GINS4: variants seen among roughly 807,000 people sequenced by gnomAD.
GINS4 encodes GINS complex subunit 4, also known as DNA replication complex GINS protein SLD5.
Under a neutral mutation model 31.1 loss-of-function variants are expected in GINS4, and 20 were observed. The ratio of observed to expected loss-of-function variants is 0.64; its 90% CI spans 0.45 to 0.93. The LOEUF (loss-of-function observed/expected upper bound fraction) is 0.93. GINS4 is among the 40% of genes least tolerant of loss of function. The pLI is 0.00. For missense variants in GINS4, 245 were observed against 273.9 expected (o/e 0.89, Z 0.75); for synonymous variants, 85 against 97.9 (o/e 0.87, Z 0.78).
chr8:41,532,463 G>T (rs1441518749), intron 2 of GINS4, among the ~76,000 whole-genome samples: 1 of 152,170 alleles, frequency 6.6e-6, no homozygotes, highest in East Asian at 1.9e-4. Context: ...AGCCCAAGTG[G>T]GAGGTTCATT....
rs1054595162 is a variant in GINS4 at position 41,536,383 on chromosome 8, C to T, written c.120C>T (p.Ala40=). ...AGGCCTGGATGAATGAAAAGTTTGC[C>T]CCTGAGCTGCTGGAGAGCAAGCCTG... ...LEQAWMNEKF[A]PELLESKPEI... Residue 40 remains alanine, a synonymous_variant, in exon 3 of 8, where the codon GCC becomes GCT. Transcript: ENST00000276533. 2 of 1,611,062 alleles carry T rather than the reference C, an allele frequency of 1.2e-6. No individual in the cohort carries two copies. Among genetic ancestry groups the T allele is most frequent in the Admixed American group, 3.3e-5 (2 of 59,996 alleles).
At position 41,542,048 on chromosome 8, in the gene GINS4, T is replaced by C; in HGVS notation, c.633T>C (p.Ile211=). The change falls in exon 8 of 8, where the codon ATT becomes ATC. Residue 211 remains isoleucine, a synonymous_variant. Transcript: ENST00000276533. ...AGCACTTGATCCGATACAAAACCAT[T>C]GCACCTCTGGTTGCATCTGGAGCTG... ...GSQHLIRYKT[I]APLVASGAVQ... The C allele has an allele frequency of 6.2e-7, 1 of 1,614,128 alleles. No homozygotes were observed. Among genetic ancestry groups the C allele is most frequent in the Non-Finnish European group, 8.5e-7 (1 of 1,179,986 alleles).
intron 2 of GINS4, among the ~76,000 whole-genome samples, chr8:41,535,065 C>T (rs1190446752): frequency 2.6e-5 from 4 of 151,122 alleles, no homozygotes; most frequent in Non-Finnish European, 4.4e-5. Context: ...TGGCTGGGCT[C>T]GGTGGCTCAC....
intron 2 of GINS4, among the ~76,000 whole-genome samples, chr8:41,532,375 G>A (rs750417419): frequency 1.3e-5 from 2 of 152,090 alleles, no homozygotes; most frequent in South Asian, 2.1e-4. Context: ...ACTGAAAAAC[G>A]TGAGCAATAT....
At chr8:41,537,112 C>T in intron 3 of GINS4, 68 bp from the exon 4 acceptor site, 8 of 932,342 alleles carry the variant, frequency 8.6e-6, no homozygotes, top group South Asian at 5.6e-5. Flanking sequence ...TAGTCTGGGT[C>T]CTCAACGTTG....
rs978849854 is a variant in GINS4 at position 41,544,603 on chromosome 8, A to G, written c.*2516A>G. ...TTAGTACTTGATTTATGCTTGTTAT[A>G]TAAAGAAAGAGACAACTTCACTGTA... is the stretch of plus-strand genomic sequence containing the variant. On this transcript the variant is annotated 3_prime_UTR_variant, in exon 8 of 8. Coordinates refer to ENST00000276533, the MANE Select transcript of GINS4 (RefSeq NM_032336.3). The G allele has an allele frequency of 6.6e-6, 1 of 152,226 alleles. No homozygotes were observed. The highest frequency in any genetic ancestry group is 1.5e-5 in the Non-Finnish European group (1 of 68,036). 9.4% of individuals were successfully genotyped at this position (152,226 alleles called of 1,614,324 possible).
At chr8:41,534,317 G>C (rs1806703890) in intron 2 of GINS4, 1 of 380,384 alleles carries the variant, frequency 2.6e-6, no homozygotes, top group African/African-American at 2.1e-5. Flanking sequence ...TGAGGCAGGA[G>C]GATCACTTAA....
intron 4 of GINS4, 82 bp from the exon 5 acceptor site, chr8:41,539,596 T>C (rs1806800192): frequency 1.0e-6 from 1 of 985,686 alleles, no homozygotes; most frequent in East Asian, 2.4e-5. Flanking sequence ...GGGAGGGTTG[T>C]GTAAACCCTC....
chr8:41,541,388 A>G (rs1806838633), intron 6 of GINS4, among the ~76,000 whole-genome samples: 1 of 152,066 alleles, frequency 6.6e-6, no homozygotes, highest in African/African-American at 2.4e-5. Flanking sequence ...CTCTTCTTAT[A>G]AGACACCAGT....
At position 41,542,794 on chromosome 8, in the gene GINS4, G is replaced by A. The variant is rs7817629; in HGVS notation, c.*707G>A. 0.21 allele frequency: 31,782 copies of A among 152,540 alleles called. 3,407 individuals are homozygous for A. Among genetic ancestry groups the A allele is most frequent in the Middle Eastern group, 0.29 (84 of 294 alleles). The allele number at this position is 152,540 out of a possible 1,614,324, so 9.4% of individuals were successfully genotyped here. A position where few individuals can be genotyped will look rare whatever the true frequency, so the allele number is the denominator to read the frequency against. On this transcript the variant is annotated 3_prime_UTR_variant, in exon 8 of 8. Transcript: ENST00000276533. ...ATTCCTCAGCAGTGCTGTGGGTCAC[G>A]GGCGTGAAGCGGAGCTCGAGGCAGG... is the stretch of plus-strand genomic sequence containing the variant.
At chr8:41,536,322 G>A in intron 2 of GINS4, 38 bp from the exon 3 acceptor site, 1 of 1,270,972 alleles carries the variant, frequency 7.9e-7, no homozygotes, top group East Asian at 2.3e-5. Flanking sequence ...TAGCTCTGTG[G>A]TGGGTGATGC....
chr8:41,540,578 G>C (rs1415113092), intron 6 of GINS4, among the ~76,000 whole-genome samples: 1 of 152,198 alleles, frequency 6.6e-6, no homozygotes. Flanking sequence ...CAGCCCCTGA[G>C]GGCTGCCGAG....
chr8:41,538,708 G>GT (rs1176942266), intron 4 of GINS4, among the ~76,000 whole-genome samples: 1 of 151,560 alleles, frequency 6.6e-6, no homozygotes, highest in Non-Finnish European at 1.5e-5. Flanking sequence ...GTTTGGTTGT[G>GT]TTTTTTTGTT....
At chr8:41,532,852 TGAA>T (rs1463067729) in intron 2 of GINS4, among the ~76,000 whole-genome samples, 23 of 138,906 alleles carry the variant, frequency 1.7e-4, no homozygotes, top group South Asian at 9.0e-4. Flanking sequence ...AAAAAAAAAA[TGAA>T]GAGCAATTTG....
At chr8:41,533,854 G>A (rs1401652518) in intron 2 of GINS4, among the ~76,000 whole-genome samples, 3 of 152,174 alleles carry the variant, frequency 2.0e-5, no homozygotes, top group Non-Finnish European at 4.4e-5. Flanking sequence ...TCTTGGGTTT[G>A]TAGGTGACCA....
Position 41,544,070 on chromosome 8 carries a change from G to GTT in GINS4, c.*1983_*1984insTT, listed in dbSNP as rs1301071970. 6.6e-6 allele frequency: 1 copy of GTT among 152,254 alleles called. No homozygotes were observed. The highest frequency in any genetic ancestry group is 2.4e-5 in the African/African-American group (1 of 41,424). The allele number at this position is 152,254 out of a possible 1,614,324, so 9.4% of individuals were successfully genotyped here. A position where few individuals can be genotyped will look rare whatever the true frequency, so the allele number is the denominator to read the frequency against. ...CGTGCAGTCCCTGGAGGGTCTCACT[G>GTT]GAGAGACAACATTTAGGCTGAGATC... On this transcript the variant is annotated 3_prime_UTR_variant, in exon 8 of 8. Coordinates refer to ENST00000276533, the MANE Select transcript of GINS4 (RefSeq NM_032336.3).
chr8:41,539,523 CTG>C (rs1410516636), intron 4 of GINS4, among the ~76,000 whole-genome samples, 153 bp from the exon 5 acceptor site: 1 of 152,046 alleles, frequency 6.6e-6, no homozygotes, highest in Non-Finnish European at 1.5e-5. Flanking sequence ...AGACGTTGTC[CTG>C]TGTCTTATGG....
Position 41,537,178 on chromosome 8 carries a change from A to T in GINS4, c.184-2A>T. 6.3e-7 allele frequency: 1 copy of T among 1,592,766 alleles called. No individual in the cohort carries two copies. Among genetic ancestry groups the T allele is most frequent in the Non-Finnish European group, 8.6e-7 (1 of 1,160,766 alleles). ...TATAAACCTTAATTTCTCATTTAAT[A>T]GGAAGAAAATCTCAGGAGAGCCAAA... On this transcript the variant is annotated splice_acceptor_variant, in intron 3 of 7. Coordinates refer to ENST00000276533, the MANE Select transcript of GINS4 (RefSeq NM_032336.3). LOFTEE classifies it high-confidence loss of function.
At chr8:41,536,503 A>C in intron 3 of GINS4, 57 bp downstream of exon 3, 2 of 1,011,476 alleles carry the variant, frequency 2.0e-6, no homozygotes, top group Middle Eastern at 4.1e-4. Context: ...GCATTTGGTC[A>C]GCACACTGAG....
Sources: gnomAD v4.1 joint callset for allele counts (sites outside exome capture counted in the v4.1 genomes callset) on GRCh38, gnomAD v4.1.1 for gene constraint, MANE v1.5 for transcripts, NCBI Gene and HGNC (gene_info 2026-07-23, HGNC 2026-07-21) for gene names.